The following INTS15 variants were observed in gnomAD, a reference collection of about 807,000 sequenced individuals.
INTS15 encodes uncharacterized protein C7orf26.
the INTS15 span, chr7:6,607,617 G>T: frequency 1.3e-5 from 19 of 1,424,170 alleles, no homozygotes; most frequent in South Asian, 4.9e-5. The surrounding 1 kb of genome is among the most constrained non-coding windows in gnomAD (Gnocchi z 6.0). Context: ...GGTCATTCTC[G>T]GCTCTGAGGA....
chr7:6,591,511 A>T, the INTS15 span: 1 of 692,294 alleles, frequency 1.4e-6, no homozygotes, highest in South Asian at 1.7e-5. Context: ...TGATTCGCCC[A>T]CCTTGGCCTC....
chr7:6,600,235 C>A, the INTS15 span: 1 of 1,614,202 alleles, frequency 6.2e-7, no homozygotes. Context: ...TAGAGGAGAT[C>A]AACAGGTTGG....
At chr7:6,602,411 G>A in the INTS15 span, among the ~76,000 whole-genome samples, 2 of 152,188 alleles carry the variant, frequency 1.3e-5, no homozygotes, top group Admixed American at 1.3e-4. Context: ...GGTGGGTGTG[G>A]CGCAGGGGGC....
chr7:6,603,174 C>T, the INTS15 span, among the ~76,000 whole-genome samples: 4 of 151,718 alleles, frequency 2.6e-5, no homozygotes, highest in Non-Finnish European at 4.4e-5. Context: ...CACTTGAACC[C>T]GGAAGGTGGA....
At chr7:6,606,624 T>C in the INTS15 span, among the ~76,000 whole-genome samples, 4 of 149,330 alleles carry the variant, frequency 2.7e-5, no homozygotes, top group Admixed American at 2.7e-4. Context: ...AAGCTTCCGA[T>C]GGGGGAAGCA....
the INTS15 span, chr7:6,594,298 A>C: frequency 3.5e-6 from 3 of 845,792 alleles, no homozygotes; most frequent in East Asian, 7.4e-5. Flanking sequence ...GAGCCACCAC[A>C]CTCGGCCCCA....
the INTS15 span, chr7:6,590,164 C>G: frequency 3.5e-6 from 3 of 847,768 alleles, no homozygotes; most frequent in Admixed American, 8.8e-5. Context: ...GGCGGGCAAG[C>G]GGGCGGGTGC....
chr7:6,595,613 T>C, the INTS15 span, among the ~76,000 whole-genome samples: 1 of 152,220 alleles, frequency 6.6e-6, no homozygotes, highest in Non-Finnish European at 1.5e-5. Flanking sequence ...AGCTCTAGTG[T>C]CTGTGAGATG....
the INTS15 span, chr7:6,608,664 C>A: frequency 3.1e-6 from 1 of 318,994 alleles, no homozygotes; most frequent in Non-Finnish European, 4.5e-6. Flanking sequence ...AGGAACTTCT[C>A]AGTTTTATTG....
the INTS15 span, among the ~76,000 whole-genome samples, chr7:6,597,810 G>T: frequency 6.6e-6 from 1 of 152,246 alleles, no homozygotes; most frequent in East Asian, 1.9e-4. Context: ...GGCCCTGGAA[G>T]TCACCATCCG....
the INTS15 span, among the ~76,000 whole-genome samples, chr7:6,604,697 C>A: frequency 6.6e-6 from 1 of 152,198 alleles, no homozygotes; most frequent in Admixed American, 6.5e-5. Flanking sequence ...CAGAAACATG[C>A]ATAACTCGAG....
the INTS15 span, among the ~76,000 whole-genome samples, chr7:6,597,381 A>G: frequency 9.5e-5 from 14 of 147,886 alleles, no homozygotes; most frequent in Admixed American, 3.4e-4. Flanking sequence ...TGCAACCTCC[A>G]TGTCCCAGGT....
chr7:6,601,383 C>T, the INTS15 span, among the ~76,000 whole-genome samples: 1 of 149,172 alleles, frequency 6.7e-6, no homozygotes, highest in Non-Finnish European at 1.5e-5. Context: ...GCAACCTCTG[C>T]CTCCCGGGTT....
the INTS15 span, chr7:6,608,574 G>T: frequency 9.4e-7 from 1 of 1,069,002 alleles, no homozygotes. Context: ...CCCGTGAGCT[G>T]AGCCCAGGCT....
At chr7:6,598,748 T>TGTGC in the INTS15 span, among the ~76,000 whole-genome samples, 1 of 98,154 alleles carries the variant, frequency 1.0e-5, no homozygotes, top group African/African-American at 6.2e-5. Flanking sequence ...TGTGTGTGTG[T>TGTGC]GTGTGTGTGT....
the INTS15 span, among the ~76,000 whole-genome samples, chr7:6,606,586 G>C: frequency 6.6e-6 from 1 of 152,158 alleles, no homozygotes; most frequent in African/African-American, 2.4e-5. Flanking sequence ...CAGGAGAGGG[G>C]CGGGCAGAGC....
the INTS15 span, among the ~76,000 whole-genome samples, chr7:6,593,309 C>T: frequency 3.4e-5 from 5 of 145,034 alleles, no homozygotes; most frequent in African/African-American, 1.3e-4. Context: ...GGTGGTGGGA[C>T]AAATTTGGTC....
the INTS15 span, among the ~76,000 whole-genome samples, chr7:6,600,985 A>G: frequency 6.7e-6 from 1 of 149,424 alleles, no homozygotes; most frequent in East Asian, 2.0e-4. Flanking sequence ...TATTTTTATG[A>G]GACAGGGTTT....
At chr7:6,594,384 C>G in the INTS15 span, 1 of 1,596,208 alleles carries the variant, frequency 6.3e-7, no homozygotes, top group Non-Finnish European at 8.6e-7. Context: ...AGTTGCTGGT[C>G]TACTCACTCA....
Sources: allele counts gnomAD v4.1 joint callset (sites outside exome capture counted in the v4.1 genomes callset), GRCh38; gene constraint gnomAD v4.1.1; non-coding constraint Gnocchi (gnomAD v3.1); transcripts MANE v1.5; gene names NCBI Gene and HGNC (gene_info 2026-07-23, HGNC 2026-07-21).